The following GALNT1 variants were observed in gnomAD, a reference collection of about 807,000 sequenced individuals.
GALNT1 encodes the protein GalNAc transferase 1.
In GALNT1, 17 loss-of-function variants were observed where a neutral mutation model predicts 65.7. The ratio of observed to expected loss-of-function variants is 0.26; its 90% CI spans 0.18 to 0.39. GALNT1 has a LOEUF of 0.39. Among genes scored for constraint, GALNT1 ranks in the 10% least tolerant of loss-of-function variants. The probability of loss-of-function intolerance (pLI) is 1.00; values close to 1 mark genes in which losing one functional copy is unlikely to be tolerated. For synonymous variants in GALNT1, 210 were observed against 219.7 expected (o/e 0.96, Z 0.39); for missense variants, 460 against 672.8 (o/e 0.68, Z 3.50).
chr18:35,701,114 T>G (rs1234487533), intron 9 of GALNT1, among the ~76,000 whole-genome samples: 9 of 152,132 alleles, frequency 5.9e-5, no homozygotes, highest in South Asian at 4.2e-4. Context: ...CTCTGTCACT[T>G]AAGTTGAAGT....
At chr18:35,646,482 C>T (rs1052264943) in intron 1 of GALNT1, among the ~76,000 whole-genome samples, 1 of 152,196 alleles carries the variant, frequency 6.6e-6, no homozygotes, top group African/African-American at 2.4e-5. Context: ...CACTTTCATG[C>T]CTGGCAGCAT....
intron 1 of GALNT1, among the ~76,000 whole-genome samples, chr18:35,622,609 T>G (rs2046867180): frequency 6.6e-6 from 1 of 152,236 alleles, no homozygotes; most frequent in African/African-American, 2.4e-5. Flanking sequence ...TGTATGTTCA[T>G]CTTGTATCCA....
At chr18:35,603,814 G>A (rs981064063) in intron 1 of GALNT1, among the ~76,000 whole-genome samples, 7 of 152,106 alleles carry the variant, frequency 4.6e-5, no homozygotes, top group African/African-American at 1.2e-4. Flanking sequence ...AAATTTCCTC[G>A]TGTTTAAGCA....
At chr18:35,687,328 C>A in intron 6 of GALNT1, 142 bp downstream of exon 6, 1 of 697,378 alleles carries the variant, frequency 1.4e-6, no homozygotes, top group Non-Finnish European at 2.2e-6. Context: ...CCATCTTTCA[C>A]ATATGTGAGT....
Position 35,663,630 on chromosome 18 carries a change from C to G in GALNT1, c.142C>G (p.Leu48Val), listed in dbSNP as rs1182627562. 1 of 1,607,624 alleles carries G rather than the reference C, an allele frequency of 6.2e-7. No homozygotes were observed. Among genetic ancestry groups the G allele is most frequent in the Admixed American group, 1.7e-5 (1 of 57,332 alleles). The change falls in exon 3 of 12, where the codon CTA (leucine) becomes GTA (valine). Residue 48 changes from leucine to valine, a missense_variant and splice_region_variant. Physicochemically the swap from Leu to Val is conservative, Grantham distance 32 (BLOSUM62 1). Transcript: ENST00000269195. Reference sequence around the variant, plus strand: ...GTTAAGTTTCTTCCTATTCTTAGTTCTAGAGCCAGTACAAAAGCCTCATGA... The same window carrying G: ...GTTAAGTTTCTTCCTATTCTTAGTTGTAGAGCCAGTACAAAAGCCTCATGA... ...KERGLPAGDV[L>V]EPVQKPHEGP...
intron 2 of GALNT1, among the ~76,000 whole-genome samples, chr18:35,662,892 C>A (rs2047497238): frequency 6.6e-6 from 1 of 152,052 alleles, no homozygotes; most frequent in South Asian, 2.1e-4. Context: ...ATGTCTGTAT[C>A]AAGAGATAAC....
At chr18:35,626,776 T>C (rs2046922775) in intron 1 of GALNT1, among the ~76,000 whole-genome samples, 2 of 152,314 alleles carry the variant, frequency 1.3e-5, no homozygotes, top group South Asian at 4.1e-4. Flanking sequence ...GCTTCCCCCA[T>C]GGCCTCAAGA....
chr18:35,583,556 G>A (rs2046348174), intron 1 of GALNT1, among the ~76,000 whole-genome samples: 1 of 152,194 alleles, frequency 6.6e-6, no homozygotes, highest in African/African-American at 2.4e-5. Context: ...TGCCTGGTAA[G>A]CAATAAGCAC....
At chr18:35,668,177 G>A (rs1033325802) in intron 3 of GALNT1, among the ~76,000 whole-genome samples, 5 of 152,008 alleles carry the variant, frequency 3.3e-5, no homozygotes, top group Non-Finnish European at 5.9e-5. Flanking sequence ...ATAAGTAGAA[G>A]GAAGAGTGGA....
At chr18:35,689,026 G>GC in intron 6 of GALNT1, 147 bp from the exon 7 acceptor site, 1 of 630,816 alleles carries the variant, frequency 1.6e-6, no homozygotes, top group Non-Finnish European at 2.9e-6. Flanking sequence ...AACACAGAAA[G>GC]CCCCTGGGGC....
intron 2 of GALNT1, among the ~76,000 whole-genome samples, chr18:35,655,960 T>C (rs1048138334): frequency 6.6e-6 from 1 of 152,226 alleles, no homozygotes; most frequent in Non-Finnish European, 1.5e-5. Context: ...TCATCCAAAG[T>C]CAGCCTATTA....
At chr18:35,608,908 G>T (rs1184993731) in intron 1 of GALNT1, among the ~76,000 whole-genome samples, 1 of 152,174 alleles carries the variant, frequency 6.6e-6, no homozygotes, top group African/African-American at 2.4e-5. Flanking sequence ...CCAAATGCAG[G>T]TGTTCTTTCT....
At chr18:35,655,525 A>G (rs953830442) in intron 2 of GALNT1, among the ~76,000 whole-genome samples, 2 of 149,178 alleles carry the variant, frequency 1.3e-5, no homozygotes, top group Non-Finnish European at 3.0e-5. Context: ...GTTTTTAACC[A>G]TAATGAAAAT....
At chr18:35,707,692 A>C (rs527581034) in intron 11 of GALNT1, among the ~76,000 whole-genome samples, 1 of 152,356 alleles carries the variant, frequency 6.6e-6, no homozygotes, top group South Asian at 2.1e-4. Flanking sequence ...AAGAGAGACC[A>C]ACTCTCCCAA....
At chr18:35,620,028 A>G (rs1039132483) in intron 1 of GALNT1, among the ~76,000 whole-genome samples, 9 of 152,146 alleles carry the variant, frequency 5.9e-5, no homozygotes, top group South Asian at 4.1e-4. Flanking sequence ...CAGCATCGCA[A>G]AGGTCCCTGT....
intron 5 of GALNT1, among the ~76,000 whole-genome samples, chr18:35,686,795 A>G (rs939683596): frequency 4.6e-5 from 7 of 152,184 alleles, no homozygotes; most frequent in Non-Finnish European, 8.8e-5. Context: ...CCGTGGTCCC[A>G]GCTACTCAGG....
chr18:35,640,547 G>T (rs1476892189), intron 1 of GALNT1, among the ~76,000 whole-genome samples: 1 of 152,194 alleles, frequency 6.6e-6, no homozygotes, highest in Non-Finnish European at 1.5e-5. Flanking sequence ...TTTCAATCTA[G>T]TCAGAATCAT....
At chr18:35,608,307 G>A (rs1010060837) in intron 1 of GALNT1, among the ~76,000 whole-genome samples, 1 of 151,968 alleles carries the variant, frequency 6.6e-6, no homozygotes, top group African/African-American at 2.4e-5. Flanking sequence ...CTTTTACTTT[G>A]CATGCTTATT....
chr18:35,638,312 T>C (rs575448266), intron 1 of GALNT1, among the ~76,000 whole-genome samples: 1 of 152,296 alleles, frequency 6.6e-6, no homozygotes, highest in African/African-American at 2.4e-5. Flanking sequence ...ACTCGGCTGC[T>C]CATGTACCCC....
Sources: allele counts gnomAD v4.1 joint callset (sites outside exome capture counted in the v4.1 genomes callset), GRCh38; gene constraint gnomAD v4.1.1; transcripts MANE v1.5; gene names NCBI Gene and HGNC (gene_info 2026-07-23, HGNC 2026-07-21).